Variants in DTD1 observed in about 807,000 individuals in gnomAD.
DTD1 encodes D-aminoacyl-tRNA deacylase 1.
In DTD1, 13 loss-of-function variants were observed where a neutral mutation model predicts 25.6. The ratio of observed to expected loss-of-function variants is 0.51; its 90% confidence interval spans 0.33 to 0.81. The LOEUF (loss-of-function observed/expected upper bound fraction) is 0.81. Among genes scored for constraint, DTD1 ranks in the 30% least tolerant of loss-of-function variants. The pLI, the probability that DTD1 is intolerant of heterozygous loss-of-function variation, is 0.02. For missense variants in DTD1, 193 were observed against 266.4 expected (o/e 0.72, Z 1.92); for synonymous variants, 110 against 103.6 (o/e 1.06, Z -0.37).
chr20:18,671,268 G>T (rs1360001539), intron 4 of DTD1, among the ~76,000 whole-genome samples: 1 of 152,150 alleles, frequency 6.6e-6, no homozygotes, highest in African/African-American at 2.4e-5. Flanking sequence ...TTATTTAATT[G>T]AGAACATTTC....
At chr20:18,666,386 T>A (rs1213498358) in intron 4 of DTD1, among the ~76,000 whole-genome samples, 2 of 152,174 alleles carry the variant, frequency 1.3e-5, no homozygotes, top group Non-Finnish European at 2.9e-5. Context: ...TCTTTGAGAG[T>A]GAGTCACTAA....
At chr20:18,696,877 C>T (rs1242301750) in intron 4 of DTD1, among the ~76,000 whole-genome samples, 1 of 151,164 alleles carries the variant, frequency 6.6e-6, no homozygotes, top group African/African-American at 2.4e-5. Flanking sequence ...TTACTGCTTC[C>T]ATTTAAAATC....
At chr20:18,679,455 T>A (rs1379019712) in intron 4 of DTD1, among the ~76,000 whole-genome samples, 1 of 152,236 alleles carries the variant, frequency 6.6e-6, no homozygotes, top group Non-Finnish European at 1.5e-5. Context: ...GAACTTGAGA[T>A]ACATTTTTTG....
chr20:18,715,450 G>A (rs1400609419), intron 4 of DTD1, among the ~76,000 whole-genome samples: 2 of 152,178 alleles, frequency 1.3e-5, no homozygotes, highest in African/African-American at 4.8e-5. Context: ...GCTAAGTGGT[G>A]TCTGGCCGTG....
At chr20:18,687,808 G>A (rs1474115352) in intron 4 of DTD1, among the ~76,000 whole-genome samples, 1 of 152,160 alleles carries the variant, frequency 6.6e-6, no homozygotes, top group Non-Finnish European at 1.5e-5. Flanking sequence ...CCTCCCACAA[G>A]CCACTGTGCC....
intron 4 of DTD1, among the ~76,000 whole-genome samples, chr20:18,703,062 T>G (rs2122462130): frequency 6.6e-6 from 1 of 152,350 alleles, no homozygotes; most frequent in East Asian, 1.9e-4. Flanking sequence ...AAGTCTATTT[T>G]CAATAATTTT....
chr20:18,759,748 G>A (rs1458886604), intron 5 of DTD1, among the ~76,000 whole-genome samples: 23 of 152,192 alleles, frequency 1.5e-4, no homozygotes, highest in Admixed American at 3.3e-4. Context: ...TCTTTGTGGC[G>A]TTCTCTGTAT....
At chr20:18,759,009 T>C (rs2061350412) in intron 5 of DTD1, among the ~76,000 whole-genome samples, 1 of 152,384 alleles carries the variant, frequency 6.6e-6, no homozygotes, top group Non-Finnish European at 1.5e-5. Flanking sequence ...TCGTCTCTTT[T>C]GATCTTTGTT....
intron 4 of DTD1, among the ~76,000 whole-genome samples, chr20:18,648,995 CA>C (rs57780175): frequency 0.29 from 15,678 of 54,996 alleles, 260 homozygotes; most frequent in South Asian, 0.37. Context: ...GACTCCATCT[CA>C]AAAAAAAAAA....
At chr20:18,725,428 G>T (rs983125381) in intron 4 of DTD1, among the ~76,000 whole-genome samples, 3 of 152,140 alleles carry the variant, frequency 2.0e-5, no homozygotes, top group Non-Finnish European at 2.9e-5. Context: ...GGTGATAAAT[G>T]GATTTATATT....
intron 4 of DTD1, among the ~76,000 whole-genome samples, chr20:18,681,304 C>G (rs1466227980): frequency 6.6e-6 from 1 of 152,212 alleles, no homozygotes; most frequent in African/African-American, 2.4e-5. Context: ...CATTTACAAT[C>G]TGGTTTGCAG....
intron 4 of DTD1, among the ~76,000 whole-genome samples, chr20:18,717,295 T>C (rs1026005214): frequency 2.6e-5 from 4 of 152,204 alleles, no homozygotes; most frequent in African/African-American, 9.7e-5. Flanking sequence ...ATGATTACAG[T>C]GGTACAGTAT....
At chr20:18,642,558 C>T (rs74171693) in intron 4 of DTD1, among the ~76,000 whole-genome samples, 3,938 of 152,072 alleles carry the variant, frequency 0.026, 77 homozygotes, top group Non-Finnish European at 0.036. Flanking sequence ...TATGAGCCAC[C>T]GCACCTGGCC....
intron 4 of DTD1, among the ~76,000 whole-genome samples, chr20:18,691,669 A>G (rs757947750): frequency 2.0e-5 from 3 of 152,212 alleles, no homozygotes; most frequent in Admixed American, 6.5e-5. Flanking sequence ...TACTATGCTC[A>G]TGACCTGGGT....
intron 4 of DTD1, among the ~76,000 whole-genome samples, chr20:18,695,489 C>G (rs548300514): frequency 7.9e-3 from 5 of 634 alleles, no homozygotes; most frequent in African/African-American, 0.013. Flanking sequence ...CCCTTCCCTT[C>G]CTTTCCTTTC....
intron 4 of DTD1, among the ~76,000 whole-genome samples, chr20:18,700,493 C>CTT (rs11481533): frequency 1.5e-4 from 22 of 145,298 alleles, no homozygotes; most frequent in Middle Eastern, 3.6e-3. Flanking sequence ...TAGTGGTGAC[C>CTT]TTTTTTTTTT....
At chr20:18,682,004 A>T (rs1052305028) in intron 4 of DTD1, among the ~76,000 whole-genome samples, 10 of 152,158 alleles carry the variant, frequency 6.6e-5, no homozygotes, top group African/African-American at 2.2e-4. Context: ...TAGCCATGGG[A>T]GGGAGGAACT....
intron 3 of DTD1, among the ~76,000 whole-genome samples, chr20:18,612,136 G>A (rs6045504): frequency 0.51 from 75,172 of 147,280 alleles, 19,427 homozygotes; most frequent in Middle Eastern, 0.56. Flanking sequence ...CCGGGTTCAC[G>A]CCATTCTCCT....
chr20:18,681,389 A>G (rs1469433470), intron 4 of DTD1, among the ~76,000 whole-genome samples: 1 of 152,212 alleles, frequency 6.6e-6, no homozygotes, highest in African/African-American at 2.4e-5. Context: ...TTATGGCAAG[A>G]TGTCATCCGC....
Sources: gnomAD v4.1 joint callset for allele counts (sites outside exome capture counted in the v4.1 genomes callset) on GRCh38, gnomAD v4.1.1 for gene constraint, MANE v1.5 for transcripts, NCBI Gene and HGNC (gene_info 2026-07-23, HGNC 2026-07-21) for gene names.